SALL1: variants seen among roughly 807,000 people sequenced by gnomAD.
The protein encoded by SALL1 is sal-like protein 1.
Under a neutral mutation model 73.1 loss-of-function variants are expected in SALL1, and 10 were observed. The ratio of observed to expected loss-of-function variants is 0.14; its 90% CI spans 0.08 to 0.23. The LOEUF is 0.23. SALL1 is among the 10% of genes least tolerant of loss of function. SALL1 has a pLI of 1.00. For missense variants in SALL1, 1,520 were observed against 1,697.3 expected, an observed-to-expected ratio of 0.90 and a Z score of 1.84; for synonymous variants, 688 against 689.8, an observed-to-expected ratio of 1.00 and a Z score of 0.04.
intron 1 of SALL1, among the ~76,000 whole-genome samples, chr16:51,144,662 G>A (rs1962489932): frequency 6.6e-6 from 1 of 152,140 alleles, no homozygotes; most frequent in African/African-American, 2.4e-5. Context: ...GAAAATAAAA[G>A]GAAGGTTACT....
Position 51,139,514 on chromosome 16 carries a change from G to A in SALL1, c.2708C>T (p.Ser903Phe). ...GCTTTCCATGTCACCACCCACTGAGGATGAATCATTGGTCAGGACATCCCC... is the reference window on the plus strand; with the variant it reads ...GCTTTCCATGTCACCACCCACTGAGAATGAATCATTGGTCAGGACATCCCC... Reference protein sequence around the residue: ...IEGDVLTNDSSSVGGDMESQS... With the variant: ...IEGDVLTNDSFSVGGDMESQS... The change falls in exon 2 of 3, where the codon TCC (serine) becomes TTC (phenylalanine). Residue 903 changes from serine (S) to phenylalanine (F), a missense_variant. Around this residue, in one of 7 missense-constraint regions of SALL1, gnomAD observed 266 missense variants for 275.1 expected, o/e 0.97. Coordinates refer to ENST00000251020, the MANE Select transcript of SALL1 (RefSeq NM_002968.3). 2 of 1,614,228 alleles carry A rather than the reference G, an allele frequency of 1.2e-6. No homozygotes were observed. Among genetic ancestry groups the A allele is most frequent in the Non-Finnish European group, 8.5e-7 (1 of 1,180,048 alleles).
chr16:51,151,079 C>A, intron 1 of SALL1, 87 bp downstream of exon 1: 2 of 923,320 alleles, frequency 2.2e-6, no homozygotes, highest in Non-Finnish European at 1.5e-6. Flanking sequence ...GTAGGGGGCG[C>A]GGGGGCCAGC....
upstream of SALL1, among the ~76,000 whole-genome samples, chr16:51,151,939 GA>G (rs1262958177): frequency 6.6e-6 from 1 of 151,656 alleles, no homozygotes; most frequent in Non-Finnish European, 1.5e-5. Context: ...GATCAGGGGG[GA>G]GGGCGTCCCG....
At position 51,141,744 on chromosome 16, in the gene SALL1, C is replaced by CGCTGCTGCT. The variant is rs113614842; in HGVS notation, c.469_477dup (p.Ser157_Ser159dup). On this transcript the variant is annotated inframe_insertion, in exon 2 of 3. Coordinates refer to ENST00000251020, the MANE Select transcript of SALL1 (RefSeq NM_002968.3). The surrounding 1 kb of genome is among the most constrained non-coding windows in gnomAD (Gnocchi z 5.4). Reference sequence around the variant, plus strand: ...CCTGTGGAGGAGCTGCCGCCGCCGCCGCTGCTGCTGCTGCTGCTGCTGCTG... The same window carrying CGCTGCTGCT: ...CCTGTGGAGGAGCTGCCGCCGCCGCCGCTGCTGCTGCTGCTGCTGCTGCTGCTGCTGCTG... 2.4e-3 allele frequency: 3,724 copies of CGCTGCTGCT among 1,579,974 alleles called. 17 individuals are homozygous for CGCTGCTGCT. The highest frequency in any genetic ancestry group is 0.021 in the South Asian group (1,874 of 88,696).
At chr16:51,147,824 T>C (rs6416794) in intron 1 of SALL1, among the ~76,000 whole-genome samples, 106,407 of 150,486 alleles carry the variant, frequency 0.71, 39,030 homozygotes, top group East Asian at 0.97. Context: ...CACATGCACT[T>C]ACGCACACAA....
chr16:51,145,024 G>A (rs552012267), intron 1 of SALL1, among the ~76,000 whole-genome samples: 5 of 151,420 alleles, frequency 3.3e-5, no homozygotes, highest in Admixed American at 1.3e-4. Context: ...AGCAGGTGTC[G>A]CTACACTGCA....
At chr16:51,150,753 G>T in intron 1 of SALL1, 1 of 269,186 alleles carries the variant, frequency 3.7e-6, no homozygotes, top group Non-Finnish European at 5.8e-6. Context: ...CGGGTGCCCT[G>T]GGGCCGGCGC....
chr16:51,150,891 G>C (rs1013868296), intron 1 of SALL1: 3 of 360,382 alleles, frequency 8.3e-6, no homozygotes, highest in African/African-American at 4.2e-5. Context: ...AGCCAGGCCG[G>C]CATGCCCGCC....
At chr16:51,149,080 T>C (rs1018046481) in intron 1 of SALL1, among the ~76,000 whole-genome samples, 48 of 152,098 alleles carry the variant, frequency 3.2e-4, no homozygotes, top group Non-Finnish European at 8.8e-5. Flanking sequence ...TTACTTAACT[T>C]ACCTCAAAGC....
intron 1 of SALL1, among the ~76,000 whole-genome samples, chr16:51,147,656 A>G (rs1962538210): frequency 6.6e-6 from 1 of 152,102 alleles, no homozygotes; most frequent in African/African-American, 2.4e-5. Context: ...CATTCTTCCA[A>G]TATTATCTTT....
At chr16:51,151,032 G>C (rs1256956625) in intron 1 of SALL1, 134 bp downstream of exon 1, 1 of 485,824 alleles carries the variant, frequency 2.1e-6, no homozygotes, top group Non-Finnish European at 3.5e-6. Flanking sequence ...AAATTACGCC[G>C]AGTGGAAGAA....
In SALL1 at chr16:51,138,877, G is replaced by C; in HGVS notation, c.3345C>G (p.Ser1115=). Residue 1115 remains serine, a synonymous_variant, in exon 2 of 3, where the codon TCC becomes TCG. Transcript: ENST00000251020. ...GGAGCAGAACTGGGGATGTGGCAGA[G>C]GAAGACAGAGGCCCAGACGGGACGT... ...TSHVPSGPLS[S]SATSPVLLPA... is the part of the protein sequence containing the mutation. The C allele has an allele frequency of 6.2e-7, 1 of 1,614,214 alleles. No homozygotes were observed. Among genetic ancestry groups the C allele is most frequent in the South Asian group, 1.1e-5 (1 of 91,084 alleles).
chr16:51,141,792 GGCTGCCGCTGGAAGTGCC>G lies in SALL1; in HGVS notation c.412_429del (p.Gly138_Ser143del). 9.3e-6 allele frequency: 15 copies of G among 1,612,968 alleles called. No homozygotes were observed. Among genetic ancestry groups the G allele is most frequent in the Non-Finnish European group, 1.3e-5 (15 of 1,179,758 alleles). The stretch of plus-strand genomic sequence containing the variant: ...CTGCTGCTTGGGGCGGTACTGCTGT[GGCTGCCGCTGGAAGTGCC>G]GCTGCCGCTTTTGTTAGCAACCGGG... On this transcript the variant is annotated inframe_deletion, in exon 2 of 3. Coordinates refer to ENST00000251020, the MANE Select transcript of SALL1 (RefSeq NM_002968.3). This position sits in a 1 kb window ranked among gnomAD's most constrained non-coding sequence, Gnocchi z 5.4.
At chr16:51,151,329 G>T, upstream of SALL1, 1 of 1,045,890 alleles carries the variant, frequency 9.6e-7, no homozygotes, top group Non-Finnish European at 1.3e-6. Context: ...CGGCGGCGGC[G>T]GCGGCTCCCC....
In SALL1 at chr16:51,145,802, T is replaced by C. The variant is rs1962507061; in HGVS notation, c.77-3657A>G. 2.6e-5 allele frequency among the ~76,000 whole-genome samples: 4 copies of C among 152,204 alleles called. No homozygotes were observed. In the South Asian group the frequency reaches 8.3e-4, roughly 32 times the overall value. ...CAAAAAACAAATGCAACCACCTTAC[T>C]CTACTAGGTTTAGTTTTCTTTTTTG... On this transcript the variant is annotated intron_variant, in intron 1 of 2. Transcript: ENST00000251020.
At position 51,141,732 on chromosome 16, in the gene SALL1, T is replaced by C; in HGVS notation, c.490A>G (p.Ser164Gly). 3 of 1,610,722 alleles carry C rather than the reference T, an allele frequency of 1.9e-6. No individual in the cohort carries two copies. The highest frequency in any genetic ancestry group is 2.5e-6 in the Non-Finnish European group (3 of 1,178,660). Residue 164 changes from serine (S) to glycine (G), a missense_variant, in exon 2 of 3, where the codon AGC (serine) becomes GGC (glycine). Ser to Gly is a moderately conservative substitution (Grantham distance 56). Coordinates refer to ENST00000251020, the MANE Select transcript of SALL1 (RefSeq NM_002968.3). The surrounding 1 kb of genome is among the most constrained non-coding windows in gnomAD (Gnocchi z 5.4). ...ATCGCTGAGGTACCTGTGGAGGAGC[T>C]GCCGCCGCCGCCGCTGCTGCTGCTG... ...SSSSSSGGGG[S>G]SSTGTSAITT... is the part of the protein sequence containing the mutation.
chr16:51,151,260 T>C lies in SALL1; in HGVS notation c.-19A>G. ...GCGACATGCTGGCTCAAACATCAGC[T>C]GGGGCAGAATAAAAAATTACTAAAA... On this transcript the variant is annotated 5_prime_UTR_variant, in exon 1 of 3. Coordinates refer to ENST00000251020, the MANE Select transcript of SALL1 (RefSeq NM_002968.3). 2 of 1,536,910 alleles carry C rather than the reference T, an allele frequency of 1.3e-6. No homozygotes were observed. The highest frequency in any genetic ancestry group is 1.8e-6 in the Non-Finnish European group (2 of 1,138,194).
chr16:51,150,414 T>C (rs958739766), intron 1 of SALL1: 28 of 985,384 alleles, frequency 2.8e-5, no homozygotes, highest in African/African-American at 3.5e-5. Context: ...GGTGCAAGTG[T>C]TGTGGGAAGA....
At position 51,138,751 on chromosome 16, in the gene SALL1, A is replaced by G. The variant is rs1165251559; in HGVS notation, c.3471T>C (p.Thr1157=). ...TAGTGCAAGCAAAGGGTTTCTCTCC[A>G]GTGTGAGTTCTCTCGTGAATCTGCA... is the stretch of plus-strand genomic sequence containing the variant. ...SALQIHERTH[T]GEKPFACTIC... The change falls in exon 2 of 3, where the codon ACT becomes ACC. Residue 1157 remains threonine, a synonymous_variant. Coordinates refer to ENST00000251020, the MANE Select transcript of SALL1 (RefSeq NM_002968.3). 2 of 1,614,110 alleles carry G rather than the reference A, an allele frequency of 1.2e-6. No homozygotes were observed. Among genetic ancestry groups the G allele is most frequent in the African/African-American group, 2.7e-5 (2 of 74,936 alleles).
Sources: gnomAD v4.1 joint callset for allele counts (sites outside exome capture counted in the v4.1 genomes callset) on GRCh38, gnomAD v4.1.1 for gene constraint, gnomAD v4.1.1 regional missense constraint, Gnocchi (gnomAD v3.1) non-coding constraint, MANE v1.5 for transcripts, NCBI Gene and HGNC (gene_info 2026-07-23, HGNC 2026-07-21) for gene names.